APBB2: variants seen among roughly 807,000 people sequenced by gnomAD.
APBB2 encodes the protein amyloid beta precursor protein binding family B member 2.
In APBB2, 38 loss-of-function variants were observed where a neutral mutation model predicts 82.5. That is an observed-to-expected ratio of 0.46 (90% CI 0.36 to 0.60). APBB2 has a LOEUF of 0.60. Among genes scored for constraint, APBB2 ranks in the 20% least tolerant of loss-of-function variants. APBB2 has a pLI of 0.00. For missense variants in APBB2, 772 were observed against 972.3 expected (o/e 0.79, Z 2.74); for synonymous variants, 341 against 368.2 (o/e 0.93, Z 0.85).
intron 4 of APBB2, among the ~76,000 whole-genome samples, chr4:41,052,728 A>G (rs963243357): frequency 1.3e-5 from 2 of 151,506 alleles, no homozygotes; most frequent in African/African-American, 2.4e-5. Context: ...GGGGTTATAC[A>G]GTGTTTCTCG....
At chr4:40,934,755 C>T (rs1784998650) in intron 8 of APBB2, 56 bp from the exon 9 acceptor site, 1 of 1,276,186 alleles carries the variant, frequency 7.8e-7, no homozygotes, top group Admixed American at 1.8e-5. Flanking sequence ...CATTCATTGC[C>T]TCAAATATCA....
chr4:40,892,114 C>T (rs1428150434), intron 11 of APBB2, among the ~76,000 whole-genome samples: 1 of 152,026 alleles, frequency 6.6e-6, no homozygotes, highest in African/African-American at 2.4e-5. Context: ...TCATACCCAG[C>T]TAATTTTTGT....
At chr4:41,188,336 G>A (rs1331760874) in intron 1 of APBB2, among the ~76,000 whole-genome samples, 4 of 152,158 alleles carry the variant, frequency 2.6e-5, no homozygotes, top group African/African-American at 9.7e-5. Context: ...TTCCAGCTGT[G>A]GTGCCTGTTG....
chr4:40,861,871 G>A (rs1762843399), intron 12 of APBB2, among the ~76,000 whole-genome samples: 1 of 152,078 alleles, frequency 6.6e-6, no homozygotes, highest in Admixed American at 6.5e-5. Context: ...ACTTTAAAAA[G>A]CCAGACATGC....
At chr4:40,870,911 T>C (rs1765334481) in intron 12 of APBB2, among the ~76,000 whole-genome samples, 1 of 151,860 alleles carries the variant, frequency 6.6e-6, no homozygotes, top group Non-Finnish European at 1.5e-5. Flanking sequence ...TTTGTATATT[T>C]AGCAGAGATG....
chr4:40,962,090 C>CG (rs1793450340), intron 6 of APBB2, among the ~76,000 whole-genome samples: 1 of 152,158 alleles, frequency 6.6e-6, no homozygotes, highest in Non-Finnish European at 1.5e-5. Flanking sequence ...TGCCACACAC[C>CG]TGTGGAATAG....
chr4:40,909,650 GA>G (rs1778019066), intron 10 of APBB2, among the ~76,000 whole-genome samples: 2 of 152,254 alleles, frequency 1.3e-5, no homozygotes, highest in South Asian at 4.2e-4. Flanking sequence ...GAATGTCATG[GA>G]ACAAATTAAG....
chr4:41,182,131 C>A (rs1771586462), intron 1 of APBB2, among the ~76,000 whole-genome samples: 1 of 152,150 alleles, frequency 6.6e-6, no homozygotes. Flanking sequence ...AGTGACTCCG[C>A]ATCTCCAGGA....
chr4:41,048,717 T>C (rs905465740), intron 4 of APBB2, among the ~76,000 whole-genome samples: 2 of 142,758 alleles, frequency 1.4e-5, no homozygotes, highest in Non-Finnish European at 3.1e-5. Context: ...CTCCCTCTGA[T>C]GCCGAGCGGA....
intron 2 of APBB2, among the ~76,000 whole-genome samples, chr4:41,129,550 G>GC: frequency 6.6e-6 from 1 of 152,292 alleles, no homozygotes; most frequent in Middle Eastern, 3.4e-3. Context: ...AACAGGCTTT[G>GC]TTCTCCTGCT....
At chr4:40,983,777 A>G (rs147716975) in intron 6 of APBB2, among the ~76,000 whole-genome samples, 2 of 152,068 alleles carry the variant, frequency 1.3e-5, no homozygotes, top group Admixed American at 1.3e-4. Flanking sequence ...GGGGTTCCAC[A>G]CGTCGGCCAA....
At chr4:40,880,821 TG>T in intron 12 of APBB2, 1 of 985,364 alleles carries the variant, frequency 1.0e-6, no homozygotes, top group African/African-American at 1.7e-5. Context: ...CGTCACTGGC[TG>T]CTACTGAAAC....
At chr4:41,131,552 G>C (rs1404930242) in intron 2 of APBB2, among the ~76,000 whole-genome samples, 1 of 152,026 alleles carries the variant, frequency 6.6e-6, no homozygotes, top group Non-Finnish European at 1.5e-5. Context: ...CACATACCTT[G>C]AAATATAGGG....
At chr4:40,915,842 C>A (rs12509158) in intron 10 of APBB2, among the ~76,000 whole-genome samples, 37,330 of 151,850 alleles carry the variant, frequency 0.25, 5,489 homozygotes, top group East Asian at 0.52. Context: ...GGAACCCGGC[C>A]ATCTCATTTC....
intron 3 of APBB2, among the ~76,000 whole-genome samples, chr4:41,085,593 C>G (rs574082263): frequency 1.3e-5 from 2 of 151,952 alleles, no homozygotes; most frequent in Non-Finnish European, 2.9e-5. Flanking sequence ...TGGACACTAC[C>G]TTAACTATCC....
chr4:40,846,016 GT>G (rs1206221141), intron 12 of APBB2, among the ~76,000 whole-genome samples: 482 of 2,140 alleles, frequency 0.23, 7 homozygotes, highest in South Asian at 0.38. Context: ...TGTGAGTGGG[GT>G]GTGTGTGTGT....
At chr4:41,013,324 T>TA (rs1460364683) in intron 6 of APBB2, among the ~76,000 whole-genome samples, 2 of 152,160 alleles carry the variant, frequency 1.3e-5, no homozygotes, top group East Asian at 3.8e-4. Flanking sequence ...TTACTGTACT[T>TA]AACACCAAGG....
At position 40,827,114 on chromosome 4, in the gene APBB2, G is replaced by C. The variant is rs777023287; in HGVS notation, c.1732+18C>G. The stretch of plus-strand genomic sequence containing the variant: ...AGGGACAGGGCCATAATGAAGACAT[G>C]AGGTGCCACTGACTTACCTTGCAAA... On this transcript the variant is annotated intron_variant, in intron 14 of 17. Transcript: ENST00000508593. 6.2e-7 allele frequency: 1 copy of C among 1,611,464 alleles called. No individual in the cohort carries two copies. The highest frequency in any genetic ancestry group is 1.1e-5 in the South Asian group (1 of 91,018).
chr4:41,209,833 G>T (rs1377450226), intron 1 of APBB2, among the ~76,000 whole-genome samples: 3 of 152,194 alleles, frequency 2.0e-5, no homozygotes, highest in African/African-American at 4.8e-5. Context: ...GGCAAAAAAA[G>T]AAGGGCATTG....
Sources: allele counts gnomAD v4.1 joint callset (sites outside exome capture counted in the v4.1 genomes callset), GRCh38; gene constraint gnomAD v4.1.1; transcripts MANE v1.5; gene names NCBI Gene and HGNC (gene_info 2026-07-23, HGNC 2026-07-21).